The following TENM2 variants were observed in gnomAD, a reference collection of about 807,000 sequenced individuals.
The protein encoded by TENM2 is teneurin-2.
TENM2 carries 52 observed loss-of-function variants against 245.2 expected under a neutral mutation model. That is an observed-to-expected ratio of 0.21 (90% CI 0.17 to 0.27). The LOEUF (loss-of-function observed/expected upper bound fraction) is 0.27, where lower values mean the gene tolerates loss of function less well. Ranked by LOEUF, TENM2 falls within the 10% of genes least tolerant of loss-of-function variation. The pLI is 1.00. For synonymous variants in TENM2, 1,363 were observed against 1,438.9 expected (o/e 0.95, Z 1.19); for missense variants, 3,046 against 3,666.8 (o/e 0.83, Z 4.37).
intron 26 of TENM2, among the ~76,000 whole-genome samples, chr5:168,246,166 G>C (rs564747954): frequency 7.3e-5 from 11 of 150,920 alleles, no homozygotes; most frequent in African/African-American, 2.2e-4. Context: ...CCAGGAGGTA[G>C]AGTAGGTTGC....
chr5:167,141,649 T>G, the TENM2 span, among the ~76,000 whole-genome samples: 1 of 152,224 alleles, frequency 6.6e-6, no homozygotes, highest in African/African-American at 2.4e-5. Flanking sequence ...ATTATTCTTT[T>G]TTATTGCATT....
At chr5:168,042,910 G>A (rs1045820414) in intron 5 of TENM2, among the ~76,000 whole-genome samples, 7 of 152,130 alleles carry the variant, frequency 4.6e-5, no homozygotes, top group South Asian at 2.1e-4. Context: ...ATGAGTTTCC[G>A]CTCAGAGCCC....
At chr5:167,834,794 C>T (rs966184374) in intron 2 of TENM2, among the ~76,000 whole-genome samples, 5 of 151,942 alleles carry the variant, frequency 3.3e-5, no homozygotes, top group Admixed American at 6.5e-5. Flanking sequence ...GGGCTACAGG[C>T]GCCCGCCACC....
intron 3 of TENM2, among the ~76,000 whole-genome samples, chr5:167,932,353 G>C (rs1778353427): frequency 1.3e-5 from 2 of 151,664 alleles, no homozygotes; most frequent in Admixed American, 1.3e-4. Context: ...CATGGTAGCT[G>C]TCTCATTATT....
At chr5:167,058,513 C>T in the TENM2 span, among the ~76,000 whole-genome samples, 1 of 152,290 alleles carries the variant, frequency 6.6e-6, no homozygotes, top group South Asian at 2.1e-4. Context: ...TATCCCAGCA[C>T]TTTGGGATGG....
At chr5:167,547,947 T>G (rs1383434039) in intron 2 of TENM2, among the ~76,000 whole-genome samples, 1 of 152,164 alleles carries the variant, frequency 6.6e-6, no homozygotes, top group Non-Finnish European at 1.5e-5. Flanking sequence ...ATATAATCCA[T>G]CAGGGCACTT....
the TENM2 span, among the ~76,000 whole-genome samples, chr5:167,275,326 T>C: frequency 2.0e-5 from 3 of 152,102 alleles, no homozygotes; most frequent in East Asian, 5.8e-4. Flanking sequence ...TTTTAAATAA[T>C]TGTTTTAGCT....
intron 12 of TENM2, among the ~76,000 whole-genome samples, chr5:168,158,872 T>C (rs1368720697): frequency 6.5e-5 from 8 of 122,508 alleles, no homozygotes; most frequent in Admixed American, 1.8e-4. Context: ...CACACACATA[T>C]ATATGTATAC....
intron 2 of TENM2, among the ~76,000 whole-genome samples, chr5:167,517,980 A>T (rs894834113): frequency 6.6e-6 from 1 of 152,060 alleles, no homozygotes; most frequent in Non-Finnish European, 1.5e-5. Context: ...TGAGGTCAGG[A>T]GTTCAAGACC....
At chr5:167,679,503 T>C (rs4587096) in intron 2 of TENM2, among the ~76,000 whole-genome samples, 147,988 of 152,258 alleles carry the variant, frequency 0.97, 71,957 homozygotes, top group East Asian at 1. Flanking sequence ...ATTTGATTTA[T>C]TTAAAGTTAA....
intron 13 of TENM2, among the ~76,000 whole-genome samples, chr5:168,171,641 T>C (rs915652231): frequency 6.6e-6 from 1 of 152,266 alleles, no homozygotes; most frequent in Non-Finnish European, 1.5e-5. Flanking sequence ...CAGTCTTTTT[T>C]AATCAAGTCT....
chr5:167,423,873 T>C lies in TENM2; in HGVS notation c.502+48400T>C, dbSNP rs546317120. Reference sequence around the variant, plus strand: ...TGTGGGGCATCCATTTTTGCCTTTCTTCCCACTGGAGACCATCGACCATGG... The same window carrying C: ...TGTGGGGCATCCATTTTTGCCTTTCCTCCCACTGGAGACCATCGACCATGG... On this transcript the variant is annotated intron_variant, in intron 2 of 28. Transcript: ENST00000518659. Among the ~76,000 whole-genome samples the C allele has an allele frequency of 1.8e-4, 27 of 152,278 alleles. No homozygotes were observed. The East Asian group carries it at 4.6e-3, about 26-fold the overall frequency.
chr5:167,410,770 A>G (rs1057440959), intron 2 of TENM2, among the ~76,000 whole-genome samples: 9 of 152,084 alleles, frequency 5.9e-5, no homozygotes, highest in African/African-American at 2.2e-4. Flanking sequence ...TAGAAGAAAT[A>G]TACAATGTTT....
At chr5:167,317,677 C>A (rs1756455153) in intron 1 of TENM2, among the ~76,000 whole-genome samples, 1 of 152,160 alleles carries the variant, frequency 6.6e-6, no homozygotes, top group South Asian at 2.1e-4. Flanking sequence ...ATCGCATGCA[C>A]TTGGAGCAGA....
intron 1 of TENM2, among the ~76,000 whole-genome samples, chr5:167,325,361 T>C (rs73363435): frequency 0.026 from 4,029 of 152,280 alleles, 168 homozygotes; most frequent in African/African-American, 0.091. Context: ...TGGTGGAATT[T>C]ATAGCAGGAA....
chr5:167,897,645 G>A (rs1335373507), intron 3 of TENM2, among the ~76,000 whole-genome samples: 4 of 152,224 alleles, frequency 2.6e-5, no homozygotes, highest in South Asian at 2.1e-4. Context: ...AAGAGAAACC[G>A]CATTTTTCCC....
At chr5:167,706,673 C>T (rs1758546409) in intron 2 of TENM2, among the ~76,000 whole-genome samples, 1 of 152,000 alleles carries the variant, frequency 6.6e-6, no homozygotes, top group Non-Finnish European at 1.5e-5. Flanking sequence ...AGTATCTATA[C>T]TGTTTTCCAT....
intron 2 of TENM2, among the ~76,000 whole-genome samples, chr5:167,553,627 G>A (rs1049676926): frequency 6.6e-6 from 1 of 152,202 alleles, no homozygotes; most frequent in African/African-American, 2.4e-5. Context: ...AAGATTGGGG[G>A]CGGGGGTTGG....
At chr5:167,164,037 A>G in the TENM2 span, among the ~76,000 whole-genome samples, 1 of 152,204 alleles carries the variant, frequency 6.6e-6, no homozygotes, top group African/African-American at 2.4e-5. Flanking sequence ...AATTGCATTA[A>G]GAGTACTAGA....
Sources: allele counts gnomAD v4.1 joint callset (sites outside exome capture counted in the v4.1 genomes callset), GRCh38; gene constraint gnomAD v4.1.1; transcripts MANE v1.5; gene names NCBI Gene and HGNC (gene_info 2026-07-23, HGNC 2026-07-21).